Variants in RNF157 observed in about 807,000 individuals in gnomAD.
The protein encoded by RNF157 is E3 ubiquitin ligase RNF157.
Under a neutral mutation model 88.3 loss-of-function variants are expected in RNF157, and 55 were observed. The ratio of observed to expected loss-of-function variants is 0.62; its 90% CI spans 0.50 to 0.78. The LOEUF is 0.78. RNF157 is among the 30% of genes least tolerant of loss of function. The probability of loss-of-function intolerance (pLI) is 0.00; values close to 1 mark genes in which losing one functional copy is unlikely to be tolerated. For missense variants in RNF157, 788 were observed against 860.8 expected, an observed-to-expected ratio of 0.92 and a Z score of 1.06; for synonymous variants, 334 against 341.2, an observed-to-expected ratio of 0.98 and a Z score of 0.23.
intron 2 of RNF157, among the ~76,000 whole-genome samples, chr17:76,202,327 T>A (rs2069598400): frequency 1.3e-5 from 2 of 152,158 alleles, no homozygotes; most frequent in South Asian, 4.1e-4. Context: ...CTGGGGTAAG[T>A]GGTGGCCTCT....
Position 76,195,972 on chromosome 17 carries a change from CCCGGAAGGTACTAT to C in RNF157, c.207+16378_207+16391del, listed in dbSNP as rs1455127573. 1.3e-5 allele frequency among the ~76,000 whole-genome samples: 2 copies of C among 152,198 alleles called. No homozygotes were observed. The highest frequency in any genetic ancestry group is 4.8e-5 in the African/African-American group (2 of 41,442). On this transcript the variant is annotated intron_variant, in intron 2 of 18. Coordinates refer to ENST00000269391, the MANE Select transcript of RNF157 (RefSeq NM_052916.3). The surrounding 1 kb of genome is among the most constrained non-coding windows in gnomAD (Gnocchi z 4.4). ...CTCTTTCATGGCAATGACCCAATGA[CCCGGAAGGTACTAT>C]CCTTCTTGAAATTTCTTTATAATTT...
intron 3 of RNF157, 97 bp downstream of exon 3, chr17:76,173,605 A>G: frequency 1.1e-6 from 1 of 919,048 alleles, no homozygotes; most frequent in East Asian, 2.7e-5. Context: ...GGGCTGCCGG[A>G]AACTGCTGTA....
intron 1 of RNF157, among the ~76,000 whole-genome samples, chr17:76,229,444 G>A (rs1410812039): frequency 6.6e-6 from 1 of 152,192 alleles, no homozygotes; most frequent in Non-Finnish European, 1.5e-5. Flanking sequence ...GATCAAGTAA[G>A]ATCACATGTG....
At chr17:76,183,964 C>T (rs1054100720) in intron 2 of RNF157, among the ~76,000 whole-genome samples, 3 of 152,062 alleles carry the variant, frequency 2.0e-5, no homozygotes, top group East Asian at 1.9e-4. Context: ...CTGAGGTGGG[C>T]GGGTTGGTTG....
chr17:76,219,822 G>A (rs983827368), intron 1 of RNF157, among the ~76,000 whole-genome samples: 3 of 152,102 alleles, frequency 2.0e-5, no homozygotes, highest in Non-Finnish European at 4.4e-5. Context: ...ACAGTTTACA[G>A]TAATCATATT....
intron 1 of RNF157, among the ~76,000 whole-genome samples, chr17:76,218,751 T>C (rs745803349): frequency 1.2e-4 from 18 of 152,048 alleles, no homozygotes; most frequent in Non-Finnish European, 2.2e-4. Context: ...CTGTCCACCA[T>C]AGTGAAACTT....
In RNF157 at chr17:76,167,795, C is replaced by T. The variant is rs1214797410; in HGVS notation, c.299G>A (p.Cys100Tyr). Reference sequence around the variant, plus strand: ...TCCAGGGCTCTTCACTTCCTCAGCACATCTAGAAAACCAGAGACTCAGCAT... The same window carrying T: ...TCCAGGGCTCTTCACTTCCTCAGCATATCTAGAAAACCAGAGACTCAGCAT... ...IRKDTLRLVK[C>Y]AEEVKSPGEE... The change falls in exon 4 of 19, where the codon TGT (cysteine) becomes TAT (tyrosine). Residue 100 changes from cysteine to tyrosine, a missense_variant and splice_region_variant. By Grantham distance (194) the Cys-to-Tyr change is radical. Coordinates refer to ENST00000269391, the MANE Select transcript of RNF157 (RefSeq NM_052916.3). 6.2e-6 allele frequency: 10 copies of T among 1,612,462 alleles called. No homozygotes were observed. The highest frequency in any genetic ancestry group is 1.3e-5 in the African/African-American group (1 of 74,836).
intron 2 of RNF157, among the ~76,000 whole-genome samples, chr17:76,191,319 A>G (rs2069380909): frequency 6.6e-6 from 1 of 151,984 alleles, no homozygotes; most frequent in Non-Finnish European, 1.5e-5. Flanking sequence ...CTACAAAAAA[A>G]TAAAAAATTA....
In RNF157 at chr17:76,222,198, G is replaced by A. The variant is rs546161364; in HGVS notation, c.89-9716C>T. Among the ~76,000 whole-genome samples, 33 of 152,170 alleles carry A rather than the reference G, an allele frequency of 2.2e-4. 1 individual carries two copies. The South Asian group carries it at 4.4e-3, about 20-fold the overall frequency. On this transcript the variant is annotated intron_variant, in intron 1 of 18. Transcript: ENST00000269391. ...CCGTCTCTACTAAAAATACAAAAATGAGCTGGGTGTAGTGGCACACGCCTG... is the reference window on the plus strand; with the variant it reads ...CCGTCTCTACTAAAAATACAAAAATAAGCTGGGTGTAGTGGCACACGCCTG...
At chr17:76,172,009 T>C (rs1035499018) in intron 3 of RNF157, among the ~76,000 whole-genome samples, 10 of 152,312 alleles carry the variant, frequency 6.6e-5, no homozygotes, top group African/African-American at 2.4e-4. Context: ...AGAGGCCTCG[T>C]TAGTCTGCTC....
chr17:76,209,463 C>T (rs752144319), intron 2 of RNF157, among the ~76,000 whole-genome samples: 1 of 150,936 alleles, frequency 6.6e-6, no homozygotes. Context: ...TTTCTTAAAA[C>T]ATTGTAAGAT....
intron 2 of RNF157, among the ~76,000 whole-genome samples, chr17:76,193,283 A>G (rs1439821287): frequency 6.6e-6 from 1 of 152,252 alleles, no homozygotes; most frequent in Admixed American, 6.5e-5. Flanking sequence ...AATATATGTT[A>G]TCATTAGTGA....
chr17:76,212,101 TA>T (rs993394605), intron 2 of RNF157: 177 of 284,534 alleles, frequency 6.2e-4, no homozygotes, highest in African/African-American at 3.6e-3. Context: ...AAGGGTTGCC[TA>T]AAGAGGTGAC....
intron 1 of RNF157, among the ~76,000 whole-genome samples, chr17:76,233,779 A>G (rs2145084754): frequency 6.6e-6 from 1 of 151,842 alleles, no homozygotes; most frequent in East Asian, 1.9e-4. Flanking sequence ...GCCATCCTTC[A>G]GCCTTGGCCT....
At chr17:76,155,375 C>T (rs894544) in intron 15 of RNF157, 58 bp from the exon 16 acceptor site, 157,160 of 1,566,424 alleles carry the variant, frequency 0.1, 8,460 homozygotes, top group Middle Eastern at 0.14. Flanking sequence ...ACAGCAAACC[C>T]AAACCTTCTT....
chr17:76,194,957 GT>G (rs1270987079), intron 2 of RNF157, among the ~76,000 whole-genome samples: 1 of 152,168 alleles, frequency 6.6e-6, no homozygotes, highest in African/African-American at 2.4e-5. Flanking sequence ...GGAGTTTACA[GT>G]GAGCCGAGAT....
intron 1 of RNF157, among the ~76,000 whole-genome samples, chr17:76,235,077 T>C (rs542562709): frequency 6.6e-6 from 1 of 152,362 alleles, no homozygotes; most frequent in South Asian, 2.1e-4. Context: ...ATTATATGCA[T>C]AGTAACTTTT....
rs1428618668 is a variant in RNF157, at chr17:76,161,018, C to T, written c.1065+517G>A. On this transcript the variant is annotated intron_variant, in intron 11 of 18. Coordinates refer to ENST00000269391, the MANE Select transcript of RNF157 (RefSeq NM_052916.3). The surrounding 1 kb of genome is among the most constrained non-coding windows in gnomAD (Gnocchi z 4.6). Reference sequence around the variant, plus strand: ...TTCACTAAATAATAATCTCTCCCAGCAGTGCGTTAGTCTAAAGAAAGACAG... The same window carrying T: ...TTCACTAAATAATAATCTCTCCCAGTAGTGCGTTAGTCTAAAGAAAGACAG... 6.6e-6 allele frequency among the ~76,000 whole-genome samples: 1 copy of T among 152,158 alleles called. No individual in the cohort carries two copies. The highest frequency in any genetic ancestry group is 1.5e-5 in the Non-Finnish European group (1 of 68,038).
In RNF157 at chr17:76,161,449, C is replaced by A. The variant is rs2068842647; in HGVS notation, c.1065+86G>T. ...CATGCCCTGGTCTAATTCCTTGCTG[C>A]AATGCCACGTAGAGAAGCATGAAAA... is the stretch of plus-strand genomic sequence containing the variant. On this transcript the variant is annotated intron_variant, in intron 11 of 18. Transcript: ENST00000269391. The surrounding 1 kb of genome is among the most constrained non-coding windows in gnomAD (Gnocchi z 4.6). 6.8e-6 allele frequency: 7 copies of A among 1,025,534 alleles called. No homozygotes were observed. The highest frequency in any genetic ancestry group is 1.1e-5 in the Non-Finnish European group (7 of 651,098). 63.5% of individuals were successfully genotyped at this position (1,025,534 alleles called of 1,614,324 possible). A position where few individuals can be genotyped will look rare whatever the true frequency, so the allele number is the denominator to read the frequency against.
Sources: gnomAD v4.1 joint callset for allele counts (sites outside exome capture counted in the v4.1 genomes callset) on GRCh38, gnomAD v4.1.1 for gene constraint, Gnocchi (gnomAD v3.1) non-coding constraint, MANE v1.5 for transcripts, NCBI Gene and HGNC (gene_info 2026-07-23, HGNC 2026-07-21) for gene names.